TRDN: variants seen among roughly 807,000 people sequenced by gnomAD.
The protein encoded by TRDN is triadin, also known as triadin in skeletal muscle.
A neutral mutation model predicts 149.7 loss-of-function variants in TRDN; 161 were observed. The ratio of observed to expected loss-of-function variants is 1.08; its 90% CI spans 0.95 to 1.23. TRDN has a LOEUF of 1.23. Among genes scored for constraint, TRDN ranks in the 50% most tolerant of loss-of-function variants. The pLI is 0.00. For synonymous variants in TRDN, 294 were observed against 250.5 expected (o/e 1.17, Z -1.64); for missense variants, 896 against 823.5 (o/e 1.09, Z -1.08).
chr6:123,241,052 A>G (rs1775970686), intron 38 of TRDN, among the ~76,000 whole-genome samples: 1 of 151,874 alleles, frequency 6.6e-6, no homozygotes, highest in Non-Finnish European at 1.5e-5. Context: ...TAAGAAGATT[A>G]GTTGTTTTCT....
At chr6:123,607,631 G>A (rs138661041) in intron 1 of TRDN, among the ~76,000 whole-genome samples, 13 of 152,180 alleles carry the variant, frequency 8.5e-5, no homozygotes, top group East Asian at 5.8e-4. Flanking sequence ...GTTTTTAATC[G>A]TCAGATGCTC....
chr6:123,425,628 T>C (rs1290008279), intron 12 of TRDN, among the ~76,000 whole-genome samples: 1 of 151,472 alleles, frequency 6.6e-6, no homozygotes, highest in Non-Finnish European at 1.5e-5. Context: ...TCTAAGAGGG[T>C]GAGTGAAGAA....
At chr6:123,416,307 AC>A (rs1487176138) in intron 12 of TRDN, among the ~76,000 whole-genome samples, 1 of 152,184 alleles carries the variant, frequency 6.6e-6, no homozygotes, top group Non-Finnish European at 1.5e-5. Context: ...AACTCGGTTA[AC>A]TTCACCTCCT....
intron 21 of TRDN, among the ~76,000 whole-genome samples, chr6:123,343,218 G>T (rs1214535982): frequency 6.6e-6 from 1 of 151,864 alleles, no homozygotes; most frequent in African/African-American, 2.4e-5. Context: ...CCAAAGTTCA[G>T]TAATCTCACA....
chr6:123,307,167 G>A (rs1778641756), intron 24 of TRDN, among the ~76,000 whole-genome samples: 1 of 151,990 alleles, frequency 6.6e-6, no homozygotes, highest in Non-Finnish European at 1.5e-5. Context: ...ACCTTTATAG[G>A]AGAGGATTTA....
At chr6:123,483,180 A>G (rs998400068) in intron 9 of TRDN, among the ~76,000 whole-genome samples, 1 of 150,764 alleles carries the variant, frequency 6.6e-6, no homozygotes, top group African/African-American at 2.4e-5. Context: ...TCGGCTCACT[A>G]CAAGCTCCGC....
At chr6:123,513,167 C>T (rs986712966) in intron 6 of TRDN, among the ~76,000 whole-genome samples, 6 of 152,196 alleles carry the variant, frequency 3.9e-5, no homozygotes, top group East Asian at 1.9e-4. Flanking sequence ...ACCACTCAGG[C>T]CTGCCCACAG....
In TRDN at chr6:123,218,744, AG is replaced by A. The variant is rs770492713; in HGVS notation, c.2051-5del. ...CACTGGAAGAAACTGATGGGACCTA[AG>A]GAACAGAGCATGACAGTTTGTTAAA... On this transcript the variant is annotated splice_polypyrimidine_tract_variant and splice_region_variant and intron_variant, in intron 40 of 40. Coordinates refer to ENST00000334268, the MANE Select transcript of TRDN (RefSeq NM_006073.4). The A allele has an allele frequency of 6.4e-7, 1 of 1,562,760 alleles. No homozygotes were observed. Among genetic ancestry groups the A allele is most frequent in the South Asian group, 1.2e-5 (1 of 85,712 alleles).
chr6:123,376,938 T>C (rs989972193), intron 18 of TRDN, among the ~76,000 whole-genome samples: 6 of 151,906 alleles, frequency 3.9e-5, no homozygotes, highest in Non-Finnish European at 5.9e-5. Context: ...TCAGTAGGAG[T>C]TAGCCAGGCA....
intron 24 of TRDN, among the ~76,000 whole-genome samples, chr6:123,294,980 C>A (rs1287664169): frequency 6.6e-6 from 1 of 152,036 alleles, no homozygotes; most frequent in Non-Finnish European, 1.5e-5. Context: ...CTTCTGCAGT[C>A]CGTTAAGATT....
At chr6:123,400,167 GTATATATA>G (rs374126829) in intron 12 of TRDN, among the ~76,000 whole-genome samples, 19 of 123,396 alleles carry the variant, frequency 1.5e-4, no homozygotes, top group Non-Finnish European at 2.5e-4. Flanking sequence ...ATATGTATGT[GTATATATA>G]TATATATATA....
chr6:123,587,117 G>A (rs1783534442), intron 1 of TRDN, among the ~76,000 whole-genome samples: 1 of 151,904 alleles, frequency 6.6e-6, no homozygotes, highest in Non-Finnish European at 1.5e-5. Flanking sequence ...GACACAGAGA[G>A]AAGGGGTTGG....
intron 24 of TRDN, among the ~76,000 whole-genome samples, chr6:123,300,472 G>T (rs1778360125): frequency 6.6e-6 from 1 of 151,862 alleles, no homozygotes; most frequent in African/African-American, 2.4e-5. Context: ...TTGGAAGAAA[G>T]GATGTGTATA....
At chr6:123,483,691 A>G (rs543984039) in intron 9 of TRDN, among the ~76,000 whole-genome samples, 2 of 152,214 alleles carry the variant, frequency 1.3e-5, no homozygotes, top group East Asian at 1.9e-4. Context: ...GCTGCCTTAT[A>G]TTATTCATTG....
intron 35 of TRDN, among the ~76,000 whole-genome samples, chr6:123,256,983 CTTTCT>C (rs1776587142): frequency 2.5e-5 from 2 of 78,848 alleles, no homozygotes; most frequent in Non-Finnish European, 2.2e-5. Flanking sequence ...CTTTTCTTTT[CTTTCT>C]TTTTTTTTTT....
intron 12 of TRDN, among the ~76,000 whole-genome samples, chr6:123,426,554 G>A (rs556404060): frequency 6.6e-6 from 1 of 152,208 alleles, no homozygotes; most frequent in East Asian, 1.9e-4. Flanking sequence ...CCGCTGATAG[G>A]CTTATATCAC....
At chr6:123,391,764 C>T (rs1772481814) in intron 13 of TRDN, among the ~76,000 whole-genome samples, 1 of 151,830 alleles carries the variant, frequency 6.6e-6, no homozygotes, top group African/African-American at 2.4e-5. Context: ...AATAAATGAA[C>T]AGATCTAATC....
At chr6:123,353,305 T>C (rs1780537532) in intron 20 of TRDN, among the ~76,000 whole-genome samples, 1 of 151,766 alleles carries the variant, frequency 6.6e-6, no homozygotes, top group Admixed American at 6.6e-5. Context: ...TCACCCCACA[T>C]AAAACTGAAA....
At chr6:123,428,244 T>G (rs1774203466) in intron 12 of TRDN, among the ~76,000 whole-genome samples, 1 of 152,156 alleles carries the variant, frequency 6.6e-6, no homozygotes, top group Non-Finnish European at 1.5e-5. Flanking sequence ...CAGATTATTC[T>G]TTCACCCACA....
Sources: allele counts gnomAD v4.1 joint callset (sites outside exome capture counted in the v4.1 genomes callset), GRCh38; gene constraint gnomAD v4.1.1; transcripts MANE v1.5; gene names NCBI Gene and HGNC (gene_info 2026-07-23, HGNC 2026-07-21).